Variants in LYPD6B observed in about 807,000 individuals in gnomAD.
LYPD6B encodes LY6/PLAUR domain containing 6B, also known as ly6/PLAUR domain-containing protein 6B.
LYPD6B carries 17 observed loss-of-function variants against 22.8 expected under a neutral mutation model. The ratio of observed to expected loss-of-function variants is 0.75; its 90% CI spans 0.51 to 1.12. The LOEUF is 1.12. Ranked by LOEUF, LYPD6B falls within the 50% of genes most tolerant of loss-of-function variation. LYPD6B has a pLI of 0.00. For missense variants in LYPD6B, 221 were observed against 258.3 expected (o/e 0.86, Z 0.99); for synonymous variants, 106 against 91.6 (o/e 1.16, Z -0.90).
chr2:149,045,294 CT>C (rs1683259248), intron 1 of LYPD6B, among the ~76,000 whole-genome samples: 1 of 151,896 alleles, frequency 6.6e-6, no homozygotes, highest in African/African-American at 2.4e-5. Flanking sequence ...ACATTATTAA[CT>C]TATGTCTTCA....
chr2:149,069,427 A>G (rs1163782385), intron 1 of LYPD6B, among the ~76,000 whole-genome samples: 3 of 152,108 alleles, frequency 2.0e-5, no homozygotes, highest in Non-Finnish European at 2.9e-5. Flanking sequence ...GTAATGGAAA[A>G]CTGTTTCTGT....
intron 1 of LYPD6B, among the ~76,000 whole-genome samples, chr2:149,081,183 G>T (rs546366748): frequency 2.0e-5 from 3 of 152,134 alleles, no homozygotes; most frequent in African/African-American, 7.2e-5. Context: ...AAGATCAAAG[G>T]CCTTTGTAAT....
rs553419527 is a variant in LYPD6B at position 149,093,155 on chromosome 2, T to C, written c.-66-37728T>C. On this transcript the variant is annotated intron_variant, in intron 1 of 6. Coordinates refer to ENST00000409642, the MANE Select transcript of LYPD6B (RefSeq NM_177964.5). ...GAGGGCAGGGAGCAGAGGAAGACAGTTGCCAGGGAGAACAAGGATGAGGAA... is the reference window on the plus strand; with the variant it reads ...GAGGGCAGGGAGCAGAGGAAGACAGCTGCCAGGGAGAACAAGGATGAGGAA... Among the ~76,000 whole-genome samples, 3 of 152,264 alleles carry C rather than the reference T, an allele frequency of 2.0e-5. No homozygotes were observed. In the South Asian group the frequency reaches 6.2e-4, roughly 32 times the overall value.
At chr2:149,048,407 C>G (rs1393709753) in intron 1 of LYPD6B, among the ~76,000 whole-genome samples, 4 of 152,210 alleles carry the variant, frequency 2.6e-5, no homozygotes. Flanking sequence ...AGGGTTGGAG[C>G]TGGCTTGCCA....
intron 3 of LYPD6B, among the ~76,000 whole-genome samples, chr2:149,171,219 T>G (rs1193188399): frequency 6.6e-6 from 1 of 152,146 alleles, no homozygotes; most frequent in Non-Finnish European, 1.5e-5. Context: ...ATAGGAAGGC[T>G]CAACCCAGGC....
At chr2:149,202,113 A>G (rs952603956) in intron 3 of LYPD6B, among the ~76,000 whole-genome samples, 5 of 152,180 alleles carry the variant, frequency 3.3e-5, no homozygotes, top group African/African-American at 1.2e-4. Context: ...TGAATTCCAT[A>G]TTCCTCTATG....
At chr2:149,064,065 A>T (rs1194991237) in intron 1 of LYPD6B, among the ~76,000 whole-genome samples, 1 of 152,324 alleles carries the variant, frequency 6.6e-6, no homozygotes, top group East Asian at 1.9e-4. Context: ...GCCCATATAG[A>T]CTTACAAAAT....
intron 1 of LYPD6B, among the ~76,000 whole-genome samples, chr2:149,080,804 T>C (rs11693153): frequency 0.45 from 63,330 of 139,700 alleles, 14,276 homozygotes; most frequent in African/African-American, 0.56. Context: ...ATCGTGCCAC[T>C]GCACTCCAGC....
At chr2:149,146,185 C>T (rs1018817433) in intron 2 of LYPD6B, among the ~76,000 whole-genome samples, 7 of 152,184 alleles carry the variant, frequency 4.6e-5, no homozygotes, top group East Asian at 1.9e-4. Context: ...TATACAAGCA[C>T]GTGCAAAATT....
chr2:149,159,360 G>A (rs1250630334), intron 2 of LYPD6B, among the ~76,000 whole-genome samples: 1 of 151,938 alleles, frequency 6.6e-6, no homozygotes, highest in Non-Finnish European at 1.5e-5. Context: ...TCTTTGCTTT[G>A]GCTACTAGCA....
intron 1 of LYPD6B, among the ~76,000 whole-genome samples, chr2:149,100,712 T>A (rs1049674506): frequency 3.3e-5 from 5 of 152,236 alleles, no homozygotes; most frequent in Admixed American, 3.3e-4. Flanking sequence ...GTCTTATTTA[T>A]GTGGACTTGT....
At chr2:149,154,172 G>A in intron 2 of LYPD6B, 1 of 175,362 alleles carries the variant, frequency 5.7e-6, no homozygotes, top group Non-Finnish European at 1.0e-5. Context: ...CTTTGCAGAT[G>A]TAATTAAGAA....
chr2:149,144,579 A>G (rs543642492), intron 2 of LYPD6B, among the ~76,000 whole-genome samples: 48 of 152,190 alleles, frequency 3.2e-4, no homozygotes, highest in Admixed American at 2.0e-3. Flanking sequence ...TTTAGTACAG[A>G]CAAGGTTTCA....
At chr2:149,157,862 C>G (rs149212009) in intron 2 of LYPD6B, among the ~76,000 whole-genome samples, 21 of 152,222 alleles carry the variant, frequency 1.4e-4, no homozygotes, top group African/African-American at 4.6e-4. Context: ...GGATAGAAAC[C>G]GATGCTTCAG....
At chr2:149,134,392 A>G (rs1386189283) in intron 2 of LYPD6B, among the ~76,000 whole-genome samples, 1 of 152,174 alleles carries the variant, frequency 6.6e-6, no homozygotes, top group Non-Finnish European at 1.5e-5. Context: ...TTTCGATTAC[A>G]TGGAATTCTG....
chr2:149,096,642 T>G (rs560920021), intron 1 of LYPD6B, among the ~76,000 whole-genome samples: 1 of 152,332 alleles, frequency 6.6e-6, no homozygotes, highest in South Asian at 2.1e-4. Flanking sequence ...TGAAAGGGTG[T>G]TGCTTTTCAG....
rs190915101 is a variant in LYPD6B at position 149,055,171 on chromosome 2, T to G, written c.-67+16370T>G. On this transcript the variant is annotated intron_variant, in intron 1 of 6. Coordinates refer to ENST00000409642, the MANE Select transcript of LYPD6B (RefSeq NM_177964.5). ...GTGTTCTTTCTGCCATTGAATTGTTTTGGCAACCTTGTCAAAAGTCAACTG... is the reference window on the plus strand; with the variant it reads ...GTGTTCTTTCTGCCATTGAATTGTTGTGGCAACCTTGTCAAAAGTCAACTG... Among the ~76,000 whole-genome samples the G allele has an allele frequency of 4.8e-3, 733 of 152,344 alleles. 3 individuals carry two copies. The highest frequency in any genetic ancestry group is 6.0e-3 in the Non-Finnish European group (409 of 68,024).
chr2:149,206,160 C>A, intron 4 of LYPD6B: 1 of 306,564 alleles, frequency 3.3e-6, no homozygotes, highest in Non-Finnish European at 6.8e-6. Flanking sequence ...ACTGCATATC[C>A]CTAATCACTT....
At chr2:149,063,680 A>G (rs970775139) in intron 1 of LYPD6B, among the ~76,000 whole-genome samples, 13 of 152,230 alleles carry the variant, frequency 8.5e-5, no homozygotes, top group African/African-American at 3.1e-4. Flanking sequence ...GAACATAATA[A>G]AGTATCAATT....
Sources: gnomAD v4.1 joint callset for allele counts (sites outside exome capture counted in the v4.1 genomes callset) on GRCh38, gnomAD v4.1.1 for gene constraint, MANE v1.5 for transcripts, NCBI Gene and HGNC (gene_info 2026-07-23, HGNC 2026-07-21) for gene names.